Variants in PTPRM observed in about 807,000 individuals in gnomAD.
The protein encoded by PTPRM is receptor-type tyrosine-protein phosphatase mu.
A neutral mutation model predicts 186.7 loss-of-function variants in PTPRM; 47 were observed. That is an observed-to-expected ratio of 0.25 (90% CI 0.20 to 0.32). The LOEUF is 0.32. Ranked by LOEUF, PTPRM falls within the 10% of genes least tolerant of loss-of-function variation. The pLI, the probability that PTPRM is intolerant of heterozygous loss-of-function variation, is 1.00. For synonymous variants in PTPRM, 668 were observed against 674.9 expected (o/e 0.99, Z 0.16); for missense variants, 1,494 against 1,865.0 (o/e 0.80, Z 3.66).
intron 5 of PTPRM, among the ~76,000 whole-genome samples, chr18:7,944,672 T>C (rs2052400032): frequency 6.6e-6 from 1 of 152,182 alleles, no homozygotes; most frequent in South Asian, 2.1e-4. Flanking sequence ...TCCCTATAGT[T>C]TTTTTATAGT....
At chr18:8,054,298 A>AATATATAT (rs34903203) in intron 7 of PTPRM, among the ~76,000 whole-genome samples, 18 of 131,692 alleles carry the variant, frequency 1.4e-4, no homozygotes, top group South Asian at 4.5e-4. Context: ...TAGTAGTAGT[A>AATATATAT]ATATATATAT....
At chr18:7,573,979 G>A (rs910428924) in intron 1 of PTPRM, among the ~76,000 whole-genome samples, 2 of 152,186 alleles carry the variant, frequency 1.3e-5, no homozygotes, top group African/African-American at 4.8e-5. Context: ...CTCTGACCCT[G>A]AATCCGCAAC....
At chr18:7,690,838 G>A (rs1046498130) in intron 1 of PTPRM, among the ~76,000 whole-genome samples, 3 of 152,206 alleles carry the variant, frequency 2.0e-5, no homozygotes, top group African/African-American at 7.2e-5. Context: ...TAAAGAGTTA[G>A]TACTGAGCTT....
chr18:7,841,277 A>ATT (rs2046305598), intron 2 of PTPRM, among the ~76,000 whole-genome samples: 2 of 84,668 alleles, frequency 2.4e-5, no homozygotes, highest in African/African-American at 5.2e-5. Flanking sequence ...GGCTCAAATC[A>ATT]TTTCTTTTTT....
chr18:7,831,522 G>T (rs1158975568), intron 2 of PTPRM, among the ~76,000 whole-genome samples: 1 of 152,020 alleles, frequency 6.6e-6, no homozygotes, highest in African/African-American at 2.4e-5. Context: ...GTATATTTAA[G>T]GAGTGCATGA....
intron 13 of PTPRM, among the ~76,000 whole-genome samples, chr18:8,118,284 T>C (rs2092032481): frequency 6.6e-6 from 1 of 152,208 alleles, no homozygotes; most frequent in African/African-American, 2.4e-5. Flanking sequence ...CTGTTGTTCA[T>C]TTAAAAATTA....
intron 3 of PTPRM, among the ~76,000 whole-genome samples, chr18:7,891,234 C>T (rs1005596526): frequency 9.2e-5 from 14 of 152,022 alleles, no homozygotes; most frequent in East Asian, 1.9e-4. Context: ...TTCAGTGAGC[C>T]GTGGTCATGC....
At chr18:7,840,117 G>T (rs2046252648) in intron 2 of PTPRM, among the ~76,000 whole-genome samples, 1 of 150,576 alleles carries the variant, frequency 6.6e-6, no homozygotes, top group South Asian at 2.1e-4. Context: ...ATGGGGGAGG[G>T]GTGGTGTCCT....
At chr18:7,619,519 ATTAT>A (rs2037886187) in intron 1 of PTPRM, among the ~76,000 whole-genome samples, 1 of 152,110 alleles carries the variant, frequency 6.6e-6, no homozygotes, top group Non-Finnish European at 1.5e-5. Context: ...GATGGTGATG[ATTAT>A]TTAGGGTCTT....
intron 2 of PTPRM, among the ~76,000 whole-genome samples, chr18:7,870,997 G>A (rs916656196): frequency 6.6e-6 from 1 of 152,218 alleles, no homozygotes; most frequent in Non-Finnish European, 1.5e-5. Context: ...ACTTAAGGCA[G>A]CAATGCAGCT....
chr18:7,923,191 T>C (rs576142683), intron 4 of PTPRM, among the ~76,000 whole-genome samples: 40 of 152,314 alleles, frequency 2.6e-4, no homozygotes, highest in African/African-American at 9.4e-4. Flanking sequence ...ACCCAAGTTA[T>C]CCTGAGAAAT....
intron 1 of PTPRM, among the ~76,000 whole-genome samples, chr18:7,622,888 G>A (rs1392832364): frequency 1.3e-5 from 2 of 151,954 alleles, no homozygotes; most frequent in Non-Finnish European, 2.9e-5. Context: ...ATAAAAATTG[G>A]GCTTGTTGAA....
chr18:8,116,055 G>A (rs1156819538), intron 13 of PTPRM, among the ~76,000 whole-genome samples: 2 of 152,116 alleles, frequency 1.3e-5, no homozygotes, highest in Admixed American at 6.5e-5. Flanking sequence ...GAAATAAATT[G>A]ATATTTACTG....
In PTPRM at chr18:7,567,773, G is replaced by A; in HGVS notation, c.-46G>A. ...CTCCCGGCCCCCTCCGCCCTCGCGC[G>A]CCCACCCACCGCCGCCGGGGAGCGG... On this transcript the variant is annotated 5_prime_UTR_variant, in exon 1 of 33. Transcript: ENST00000580170. The surrounding 1 kb of genome is among the most constrained non-coding windows in gnomAD (Gnocchi z 4.3). The A allele has an allele frequency of 4.0e-6, 6 of 1,494,208 alleles. No homozygotes were observed. The highest frequency in any genetic ancestry group is 2.6e-5 in the South Asian group (2 of 77,172). 92.6% of individuals were successfully genotyped at this position (1,494,208 alleles called of 1,614,324 possible).
intron 7 of PTPRM, among the ~76,000 whole-genome samples, chr18:7,981,528 C>G (rs1314733473): frequency 1.3e-5 from 2 of 152,200 alleles, no homozygotes; most frequent in Non-Finnish European, 2.9e-5. Flanking sequence ...CTATACTTTT[C>G]CCACCTGATC....
Position 8,046,040 on chromosome 18 carries a change from G to A in PTPRM, c.1133-23646G>A, listed in dbSNP as rs145019865. ...GGGGAGGTAATCGGATCGTGGGGGC[G>A]GTTTCCTCCATGCTGTTCTCATGAT... On this transcript the variant is annotated intron_variant, in intron 7 of 32. Transcript: ENST00000580170. Among the ~76,000 whole-genome samples, 1,195 of 152,082 alleles carry A rather than the reference G, an allele frequency of 7.9e-3. 14 individuals carry two copies. Among genetic ancestry groups the A allele is most frequent in the African/African-American group, 0.027 (1,124 of 41,446 alleles).
intron 14 of PTPRM, among the ~76,000 whole-genome samples, chr18:8,178,866 T>C (rs2093529273): frequency 6.6e-6 from 1 of 152,160 alleles, no homozygotes; most frequent in African/African-American, 2.4e-5. Context: ...AGATAAAATG[T>C]TTTAAAGCCA....
chr18:7,642,938 A>G (rs2038479851), intron 1 of PTPRM, among the ~76,000 whole-genome samples: 3 of 151,466 alleles, frequency 2.0e-5, no homozygotes, highest in Admixed American at 6.6e-5. Context: ...TGCATTTTCC[A>G]TATTTGGGGT....
intron 5 of PTPRM, among the ~76,000 whole-genome samples, chr18:7,948,646 T>G (rs557821853): frequency 1.2e-4 from 19 of 152,212 alleles, no homozygotes; most frequent in African/African-American, 1.7e-4. Context: ...CTGTTTGGTT[T>G]TGTATATCCA....
Sources: allele counts gnomAD v4.1 joint callset (sites outside exome capture counted in the v4.1 genomes callset), GRCh38; gene constraint gnomAD v4.1.1; non-coding constraint Gnocchi (gnomAD v3.1); transcripts MANE v1.5; gene names NCBI Gene and HGNC (gene_info 2026-07-23, HGNC 2026-07-21).